Variants in TACR1 observed in about 807,000 individuals in gnomAD.
TACR1 encodes the protein substance-P receptor.
TACR1 carries 25 observed loss-of-function variants against 35.8 expected under a neutral mutation model. The observed-to-expected ratio is 0.70, with a 90% CI of 0.51 to 0.98. The LOEUF (loss-of-function observed/expected upper bound fraction) is 0.98. Ranked by LOEUF, TACR1 falls within the 50% of genes least tolerant of loss-of-function variation. The probability of loss-of-function intolerance (pLI) is 0.00; values close to 1 mark genes in which losing one functional copy is unlikely to be tolerated. For missense variants in TACR1, 478 were observed against 522.9 expected, an observed-to-expected ratio of 0.91 and a Z score of 0.84; for synonymous variants, 195 against 206.7, an observed-to-expected ratio of 0.94 and a Z score of 0.48.
At chr2:75,089,110 A>G (rs1168280992) in intron 2 of TACR1, among the ~76,000 whole-genome samples, 1 of 152,250 alleles carries the variant, frequency 6.6e-6, no homozygotes, top group Non-Finnish European at 1.5e-5. Context: ...GGCCTAGAAC[A>G]CAGGGCTGCA....
chr2:75,175,670 G>A (rs1675394696), intron 1 of TACR1, among the ~76,000 whole-genome samples: 1 of 151,956 alleles, frequency 6.6e-6, no homozygotes, highest in African/African-American at 2.4e-5. Context: ...CTTTCACTGC[G>A]AGGCTGCTTG....
At chr2:75,195,514 A>G (rs4853121) in intron 1 of TACR1, among the ~76,000 whole-genome samples, 75,172 of 151,868 alleles carry the variant, frequency 0.49, 19,861 homozygotes, top group African/African-American at 0.7. Context: ...TTCTCCGCAT[A>G]TATCTTGATT....
chr2:75,129,921 C>T (rs1028373054), intron 1 of TACR1, among the ~76,000 whole-genome samples: 22 of 152,194 alleles, frequency 1.4e-4, no homozygotes, highest in Non-Finnish European at 1.5e-5. Flanking sequence ...CTGCCTCCTC[C>T]TCACTCAGGG....
chr2:75,158,625 ATGCCT>A (rs1341938533), intron 1 of TACR1, among the ~76,000 whole-genome samples: 2 of 152,178 alleles, frequency 1.3e-5, no homozygotes, highest in East Asian at 3.8e-4. Context: ...TTTTGTTGAA[ATGCCT>A]GCTGAATATG....
chr2:75,129,461 A>G (rs908718910), intron 1 of TACR1, among the ~76,000 whole-genome samples: 1 of 152,226 alleles, frequency 6.6e-6, no homozygotes, highest in Non-Finnish European at 1.5e-5. Flanking sequence ...TTGAAAATAC[A>G]AAATAAATTG....
intron 1 of TACR1, among the ~76,000 whole-genome samples, chr2:75,170,300 C>T (rs570938007): frequency 6.6e-6 from 1 of 152,308 alleles, no homozygotes; most frequent in South Asian, 2.1e-4. Flanking sequence ...GCTCTCTTGC[C>T]TGTTGCCATG....
intron 1 of TACR1, among the ~76,000 whole-genome samples, chr2:75,124,704 G>T (rs552532745): frequency 6.6e-6 from 1 of 152,318 alleles, no homozygotes; most frequent in South Asian, 2.1e-4. Flanking sequence ...AAACTATTGG[G>T]CATGGCTGTA....
chr2:75,153,655 A>G (rs1021712294), intron 1 of TACR1, among the ~76,000 whole-genome samples: 5 of 152,188 alleles, frequency 3.3e-5, no homozygotes, highest in African/African-American at 1.2e-4. Flanking sequence ...CAACTTGGAG[A>G]GAAGCAATGG....
At chr2:75,145,635 C>G (rs1674490255) in intron 1 of TACR1, among the ~76,000 whole-genome samples, 1 of 152,072 alleles carries the variant, frequency 6.6e-6, no homozygotes, top group South Asian at 2.1e-4. Context: ...TATATAATAT[C>G]TAGACATAAA....
chr2:75,090,995 T>C (rs1432870159), intron 2 of TACR1: 3 of 152,072 alleles, frequency 2.0e-5, no homozygotes, highest in African/African-American at 7.2e-5. Flanking sequence ...ACTTCTCACC[T>C]TATCTGAAAA....
chr2:75,047,512 A>C lies in TACR1; in HGVS notation c.*1920T>G, dbSNP rs1170678769. On this transcript the variant is annotated 3_prime_UTR_variant, in exon 5 of 5. Coordinates refer to ENST00000305249, the MANE Select transcript of TACR1 (RefSeq NM_001058.4). ...CTCTTCCATAGATGGGGTGTCCCCA[A>C]CTTCTTGACACCATCTTCTCAGGTA... 6.6e-6 allele frequency: 1 copy of C among 152,250 alleles called. No individual in the cohort carries two copies. The highest frequency in any genetic ancestry group is 1.5e-5 in the Non-Finnish European group (1 of 68,044). The allele number at this position is 152,250 out of a possible 1,614,324, so 9.4% of individuals were successfully genotyped here.
chr2:75,156,434 C>CAAAT, intron 1 of TACR1: 1 of 112,158 alleles, frequency 8.9e-6, no homozygotes, highest in East Asian at 2.4e-4. Context: ...ACCAAAAATA[C>CAAAT]AAAAAAAAAA....
At chr2:75,175,934 C>A (rs1048931670) in intron 1 of TACR1, among the ~76,000 whole-genome samples, 2 of 132,502 alleles carry the variant, frequency 1.5e-5, no homozygotes, top group Admixed American at 1.8e-4. Flanking sequence ...ATTTTATTTT[C>A]TTTTATTGCC....
At position 75,049,291 on chromosome 2, in the gene TACR1, G is replaced by T; in HGVS notation, c.*141C>A. ...AGATTTTTTGACTCAAGGATGGAAT[G>T]TTTTCCCTAACCCATACTGACCCTT... On this transcript the variant is annotated 3_prime_UTR_variant, in exon 5 of 5. Coordinates refer to ENST00000305249, the MANE Select transcript of TACR1 (RefSeq NM_001058.4). 1.1e-6 allele frequency: 1 copy of T among 917,146 alleles called. No individual in the cohort carries two copies. The highest frequency in any genetic ancestry group is 1.6e-6 in the Non-Finnish European group (1 of 620,926). The allele number at this position is 917,146 out of a possible 1,614,324, so 56.8% of individuals were successfully genotyped here. A position where few individuals can be genotyped will look rare whatever the true frequency, so the allele number is the denominator to read the frequency against.
intron 2 of TACR1, among the ~76,000 whole-genome samples, chr2:75,090,305 G>T (rs942156522): frequency 6.6e-6 from 1 of 152,136 alleles, no homozygotes; most frequent in Non-Finnish European, 1.5e-5. Flanking sequence ...CCTCAGCCAG[G>T]GCTCTTAAAA....
chr2:75,080,439 C>A (rs1430757651), intron 2 of TACR1, among the ~76,000 whole-genome samples: 1 of 152,098 alleles, frequency 6.6e-6, no homozygotes, highest in African/African-American at 2.4e-5. Flanking sequence ...ATTTTTTATT[C>A]CCACAATCAC....
At chr2:75,123,445 G>A (rs879393301) in intron 1 of TACR1, among the ~76,000 whole-genome samples, 4 of 152,120 alleles carry the variant, frequency 2.6e-5, no homozygotes, top group Admixed American at 2.6e-4. Context: ...ACGGGGGATT[G>A]CACCAGCGTA....
chr2:75,196,496 C>T (rs1285517673), intron 1 of TACR1, among the ~76,000 whole-genome samples: 2 of 152,112 alleles, frequency 1.3e-5, no homozygotes, highest in Non-Finnish European at 2.9e-5. Context: ...CATTCCCTGT[C>T]GCTGTCATTT....
At chr2:75,053,288 T>C (rs1333202334) in intron 3 of TACR1, among the ~76,000 whole-genome samples, 1 of 152,106 alleles carries the variant, frequency 6.6e-6, no homozygotes, top group Non-Finnish European at 1.5e-5. Context: ...CGTGAATGTA[T>C]TATCTTGTCA....
Sources: gnomAD v4.1 joint callset for allele counts (sites outside exome capture counted in the v4.1 genomes callset) on GRCh38, gnomAD v4.1.1 for gene constraint, MANE v1.5 for transcripts, NCBI Gene and HGNC (gene_info 2026-07-23, HGNC 2026-07-21) for gene names.